TG: variants seen among roughly 807,000 people sequenced by gnomAD.
The protein encoded by TG is thyroglobulin.
Under a neutral mutation model 324.7 loss-of-function variants are expected in TG, and 270 were observed. The observed-to-expected ratio is 0.83, with a 90% CI of 0.75 to 0.92. TG has a LOEUF of 0.92. Among genes scored for constraint, TG ranks in the 40% least tolerant of loss-of-function variants. The probability of loss-of-function intolerance (pLI) is 0.00; values close to 1 mark genes in which losing one functional copy is unlikely to be tolerated. For missense variants in TG, 3,591 were observed against 3,456.4 expected (o/e 1.04, Z -0.98); for synonymous variants, 1,401 against 1,327.0 (o/e 1.06, Z -1.21).
intron 40 of TG, among the ~76,000 whole-genome samples, chr8:133,029,075 G>A (rs958674574): frequency 1.1e-4 from 16 of 152,094 alleles, no homozygotes; most frequent in Non-Finnish European, 2.1e-4. Flanking sequence ...AATGAGATCT[G>A]GTGTTTCAAG....
At chr8:133,060,131 C>T (rs202000953) in intron 41 of TG, 174 of 1,610,934 alleles carry the variant, frequency 1.1e-4, no homozygotes, top group East Asian at 3.3e-4. Flanking sequence ...TCTCGGCAGG[C>T]GCAGGGGTGG....
At chr8:133,116,932 C>A (rs1462170321) in intron 45 of TG, among the ~76,000 whole-genome samples, 1 of 151,988 alleles carries the variant, frequency 6.6e-6, no homozygotes, top group Admixed American at 6.5e-5. Flanking sequence ...TGATGACACA[C>A]TTTAGAACTG....
chr8:133,110,021 G>A (rs1850133581), intron 43 of TG, among the ~76,000 whole-genome samples: 1 of 152,172 alleles, frequency 6.6e-6, no homozygotes, highest in Admixed American at 6.5e-5. Flanking sequence ...CCAGATAGCG[G>A]GTGCTGGGAC....
At chr8:132,995,302 C>A in intron 35 of TG, 2 of 984,950 alleles carry the variant, frequency 2.0e-6, no homozygotes, top group Non-Finnish European at 2.4e-6. Context: ...CCACCACATA[C>A]AGCAAGTGCT....
intron 10 of TG, 83 bp from the exon 11 acceptor site, chr8:132,893,607 C>A: frequency 6.3e-7 from 1 of 1,583,008 alleles, no homozygotes; most frequent in South Asian, 1.1e-5. Flanking sequence ...TATGTGTGTG[C>A]GTGAGGGCAC....
intron 34 of TG, 87 bp downstream of exon 34, chr8:132,972,828 G>A: frequency 6.5e-7 from 1 of 1,545,984 alleles, no homozygotes; most frequent in Non-Finnish European, 8.9e-7. Context: ...TTGGATTGGT[G>A]AGTAGATTAA....
rs775614531 is a variant in TG, at chr8:132,969,510, A to G, written c.5916A>G (p.Lys1972=). 6.2e-7 allele frequency: 1 copy of G among 1,614,046 alleles called. No homozygotes were observed. The part of the protein sequence containing the change: ...KNFYTRLPFQ[K]LMGISIRNKV... ...TTTACACTCGCCTGCCGTTCCAAAAACTGATGGGGATATCCATTAGAAATA... is the reference window on the plus strand; with the variant it reads ...TTTACACTCGCCTGCCGTTCCAAAAGCTGATGGGGATATCCATTAGAAATA... Residue 1972 remains lysine, a synonymous_variant, in exon 32 of 48, where the codon AAA becomes AAG. Transcript: ENST00000220616.
chr8:133,038,959 C>A (rs749405682), intron 41 of TG, among the ~76,000 whole-genome samples: 1 of 152,162 alleles, frequency 6.6e-6, no homozygotes, highest in Non-Finnish European at 1.5e-5. Context: ...CTCACTGCAA[C>A]CTCTGCCTCC....
At chr8:132,954,673 A>C (rs1018248237) in intron 27 of TG, among the ~76,000 whole-genome samples, 6 of 152,140 alleles carry the variant, frequency 3.9e-5, no homozygotes, top group Admixed American at 2.0e-4. Flanking sequence ...GCTCCCTCAG[A>C]GCCCTGGGCA....
chr8:132,896,333 G>C (rs1817096097), intron 11 of TG, among the ~76,000 whole-genome samples: 1 of 152,214 alleles, frequency 6.6e-6, no homozygotes, highest in African/African-American at 2.4e-5. Context: ...TCAGAGGTCG[G>C]TCCTGGTGTC....
At position 133,096,287 on chromosome 8, in the gene TG, C is replaced by G; in HGVS notation, c.7486C>G (p.Leu2496Val). 4.3e-6 allele frequency: 7 copies of G among 1,614,228 alleles called. No individual in the cohort carries two copies. Among genetic ancestry groups the G allele is most frequent in the Non-Finnish European group, 5.9e-6 (7 of 1,180,048 alleles). Reference sequence around the variant, plus strand: ...CCTCCGTGAGCCTCCAGCCAGAGCACTGAAGAGGTCTTTATGGGTAGAGGT... The same window carrying G: ...CCTCCGTGAGCCTCCAGCCAGAGCAGTGAAGAGGTCTTTATGGGTAGAGGT... Reference protein sequence around the residue: ...HFLREPPARALKRSLWVEVDL... With the variant: ...HFLREPPARAVKRSLWVEVDL... Residue 2496 changes from leucine to valine, a missense_variant, in exon 43 of 48, where the codon CTG becomes GTG. Leu to Val is a conservative substitution (Grantham distance 32). Transcript: ENST00000220616.
At chr8:132,952,390 T>C (rs1480585870) in intron 27 of TG, among the ~76,000 whole-genome samples, 1 of 152,180 alleles carries the variant, frequency 6.6e-6, no homozygotes, top group African/African-American at 2.4e-5. Flanking sequence ...CCTCAGGGCC[T>C]CCATCTGTGC....
intron 37 of TG, among the ~76,000 whole-genome samples, chr8:133,013,981 G>A (rs1380778794): frequency 6.6e-6 from 1 of 152,126 alleles, no homozygotes; most frequent in Admixed American, 6.5e-5. Context: ...AAGCCATCTT[G>A]GTTTTGAAGC....
intron 32 of TG, among the ~76,000 whole-genome samples, chr8:132,970,111 T>C (rs1217061392): frequency 1.3e-5 from 2 of 152,052 alleles, no homozygotes; most frequent in Non-Finnish European, 2.9e-5. Context: ...TCAAGTATGG[T>C]ACTAAATTTG....
chr8:132,947,950 CAA>C (rs1161231171), intron 26 of TG, among the ~76,000 whole-genome samples: 1 of 152,168 alleles, frequency 6.6e-6, no homozygotes, highest in Non-Finnish European at 1.5e-5. Context: ...TGATGCTAAA[CAA>C]AGTCATAATT....
At chr8:132,948,480 G>A (rs1825664040) in intron 26 of TG, among the ~76,000 whole-genome samples, 1 of 152,168 alleles carries the variant, frequency 6.6e-6, no homozygotes, top group African/African-American at 2.4e-5. Flanking sequence ...ATGCCCCCAG[G>A]AAGTTGGAGG....
intron 43 of TG, among the ~76,000 whole-genome samples, chr8:133,107,658 C>T (rs4736631): frequency 0.2 from 31,055 of 152,228 alleles, 3,553 homozygotes; most frequent in Middle Eastern, 0.27. Flanking sequence ...GGGAATTTAT[C>T]TCCCACTATT....
At chr8:132,991,041 A>T (rs1475751870) in intron 35 of TG, among the ~76,000 whole-genome samples, 1 of 104,746 alleles carries the variant, frequency 9.5e-6, no homozygotes, top group Admixed American at 9.4e-5. Flanking sequence ...GAGGCCTCAG[A>T]TGGCCCTTTA....
chr8:132,923,601 T>C (rs1449116731), intron 22 of TG, 93 bp downstream of exon 22: 1 of 1,427,194 alleles, frequency 7.0e-7, no homozygotes, highest in Non-Finnish European at 9.4e-7. Context: ...GGAGGTGCAT[T>C]TGTCTCCAAC....
Sources: allele counts gnomAD v4.1 joint callset (sites outside exome capture counted in the v4.1 genomes callset), GRCh38; gene constraint gnomAD v4.1.1; transcripts MANE v1.5; gene names NCBI Gene and HGNC (gene_info 2026-07-23, HGNC 2026-07-21).